Variants in MCHR2 observed in about 807,000 individuals in gnomAD.
MCHR2 encodes the protein melanin-concentrating hormone receptor 2.
A neutral mutation model predicts 24.8 loss-of-function variants in MCHR2; 15 were observed. That is an observed-to-expected ratio of 0.60 (90% CI 0.40 to 0.93). MCHR2 has a LOEUF of 0.93. MCHR2 is among the 40% of genes least tolerant of loss of function. The probability of loss-of-function intolerance (pLI) is 0.00; values close to 1 mark genes in which losing one functional copy is unlikely to be tolerated. For missense variants in MCHR2, 386 were observed against 408.7 expected, an observed-to-expected ratio of 0.94 and a Z score of 0.48; for synonymous variants, 151 against 147.6, an observed-to-expected ratio of 1.02 and a Z score of -0.17.
At position 99,920,946 on chromosome 6, in the gene MCHR2, G is replaced by C. The variant is rs555808318; in HGVS notation, c.1017C>G (p.His339Gln). The C allele has an allele frequency of 3.7e-6, 6 of 1,613,752 alleles. No homozygotes were observed. The South Asian group carries it at 4.4e-5, about 12-fold the overall frequency. Residue 339 changes from histidine (H) to glutamine (Q), a missense_variant, in exon 6 of 6, where the codon CAC (histidine) becomes CAG (glutamine). Coordinates refer to ENST00000281806, the MANE Select transcript of MCHR2 (RefSeq NM_001040179.2). ...INNMGNTLKS[H>Q]F ...TGGTGATCCATGTACTTTCCTAAAA[G>C]TGTGATTTCAGAGTGTTTCCCATAT...
At chr6:99,970,311 T>C (rs1775380347) in intron 1 of MCHR2, among the ~76,000 whole-genome samples, 1 of 152,232 alleles carries the variant, frequency 6.6e-6, no homozygotes. Context: ...TGATGGCCAG[T>C]GATGGTGAGC....
At position 99,955,470 on chromosome 6, in the gene MCHR2, T is replaced by C. The variant is rs370729465; in HGVS notation, c.182+496A>G. 1.4e-4 allele frequency among the ~76,000 whole-genome samples: 21 copies of C among 152,316 alleles called. No individual in the cohort carries two copies. The East Asian group carries it at 2.5e-3, about 18-fold the overall frequency. ...TATGACTTCCTGCATCTTCTGGTGA[T>C]AACATAAAGTCTCTCTTTTGCCCAA... On this transcript the variant is annotated intron_variant, in intron 2 of 5. Transcript: ENST00000281806.
intron 5 of MCHR2, among the ~76,000 whole-genome samples, chr6:99,923,390 T>C (rs1196980997): frequency 6.6e-6 from 1 of 152,082 alleles, no homozygotes; most frequent in African/African-American, 2.4e-5. Context: ...ATTTCTTTCT[T>C]TTGTCTGATT....
intron 5 of MCHR2, among the ~76,000 whole-genome samples, chr6:99,922,775 G>A (rs963542103): frequency 3.3e-5 from 5 of 152,122 alleles, no homozygotes; most frequent in Non-Finnish European, 7.4e-5. Flanking sequence ...CCAGTACCAG[G>A]CTGTTTTGGT....
At chr6:99,976,901 C>T (rs1775562611) in intron 1 of MCHR2, among the ~76,000 whole-genome samples, 2 of 152,174 alleles carry the variant, frequency 1.3e-5, no homozygotes, top group Admixed American at 6.5e-5. Context: ...GCTTGCTGGC[C>T]CCTTGCCACA....
At position 99,956,089 on chromosome 6, in the gene MCHR2, C is replaced by T; in HGVS notation, c.59G>A (p.Trp20Ter). The T allele has an allele frequency of 6.2e-7, 1 of 1,613,308 alleles. No individual in the cohort carries two copies. The highest frequency in any genetic ancestry group is 8.5e-7 in the Non-Finnish European group (1 of 1,179,580). Reference protein sequence around the residue: ...NTSAELLNKSWNKEFAYQTAS... With the variant: ...NTSAELLNKS The stretch of plus-strand genomic sequence containing the variant: ...AGTTTGATAAGCAAACTCTTTATTC[C>T]AGGATTTGTTTAAAAGTTCGGCAGA... The change falls in exon 2 of 6, where the codon TGG (tryptophan) becomes TAG (stop). Residue 20 changes from tryptophan (W) to a stop codon, truncating the protein, a stop_gained. Coordinates refer to ENST00000281806, the MANE Select transcript of MCHR2 (RefSeq NM_001040179.2). LOFTEE classifies it high-confidence loss of function.
chr6:99,978,709 T>C (rs972260159), intron 1 of MCHR2, among the ~76,000 whole-genome samples: 2 of 152,108 alleles, frequency 1.3e-5, no homozygotes, highest in Admixed American at 6.6e-5. Context: ...TGAGCCACCA[T>C]GCCTGGCCCA....
chr6:99,972,452 T>C (rs1444340450), intron 1 of MCHR2, among the ~76,000 whole-genome samples: 3 of 152,300 alleles, frequency 2.0e-5, no homozygotes, highest in East Asian at 3.9e-4. Flanking sequence ...TCTTCTCTCT[T>C]TTCTTCTTTA....
At chr6:99,937,589 G>A (rs1774688730) in intron 4 of MCHR2, among the ~76,000 whole-genome samples, 2 of 151,692 alleles carry the variant, frequency 1.3e-5, no homozygotes, top group Non-Finnish European at 2.9e-5. Flanking sequence ...TTTTTAATGT[G>A]TTGTTGAATT....
At chr6:99,937,337 G>A (rs1774682022) in intron 4 of MCHR2, among the ~76,000 whole-genome samples, 1 of 151,934 alleles carries the variant, frequency 6.6e-6, no homozygotes, top group Non-Finnish European at 1.5e-5. Context: ...AAAATTAGCT[G>A]TAAGTATGTC....
At chr6:99,925,654 C>T (rs1042690118) in intron 5 of MCHR2, among the ~76,000 whole-genome samples, 11 of 152,062 alleles carry the variant, frequency 7.2e-5, no homozygotes, top group African/African-American at 1.2e-4. Flanking sequence ...ACACTGTTTA[C>T]ATAAACAAAC....
chr6:99,972,462 A>T (rs1326351080), intron 1 of MCHR2, among the ~76,000 whole-genome samples: 1 of 151,504 alleles, frequency 6.6e-6, no homozygotes, highest in African/African-American at 2.4e-5. Flanking sequence ...TTTCTTCTTT[A>T]TTAGTCTTGC....
intron 1 of MCHR2, among the ~76,000 whole-genome samples, chr6:99,991,972 A>G (rs937787725): frequency 6.6e-6 from 1 of 152,178 alleles, no homozygotes; most frequent in Non-Finnish European, 1.5e-5. Flanking sequence ...CCACCTGTAT[A>G]TATTTCATTT....
intron 1 of MCHR2, among the ~76,000 whole-genome samples, chr6:99,964,283 CAT>C (rs1562129052): frequency 6.6e-6 from 1 of 152,108 alleles, no homozygotes; most frequent in East Asian, 1.9e-4. Flanking sequence ...TAAAGATACA[CAT>C]GTTTATATGT....
chr6:99,943,582 G>A (rs1035425182), intron 3 of MCHR2, among the ~76,000 whole-genome samples: 1 of 151,536 alleles, frequency 6.6e-6, no homozygotes, highest in Non-Finnish European at 1.5e-5. Context: ...GAGAACATGC[G>A]GTGTTTGGTT....
intron 1 of MCHR2, among the ~76,000 whole-genome samples, chr6:99,980,411 T>C (rs1472515428): frequency 6.6e-6 from 1 of 152,218 alleles, no homozygotes; most frequent in Admixed American, 6.5e-5. Flanking sequence ...GATCCAGTTC[T>C]GAGAGCCTGG....
rs1248498525 is a variant in MCHR2 at position 99,920,543 on chromosome 6, T to A, written c.*397A>T. 1 of 184,760 alleles carries A rather than the reference T, an allele frequency of 5.4e-6. No homozygotes were observed. Among genetic ancestry groups the A allele is most frequent in the Non-Finnish European group, 1.1e-5 (1 of 86,998 alleles). The allele number at this position is 184,760 out of a possible 1,614,324, so 11.4% of individuals were successfully genotyped here. ...CCAAATTTTAGACTTCACTCTAAGG[T>A]GATACCCTCCTAGGAACCTTGAGGA... On this transcript the variant is annotated 3_prime_UTR_variant, in exon 6 of 6. Transcript: ENST00000281806.
intron 1 of MCHR2, among the ~76,000 whole-genome samples, chr6:99,960,953 T>C (rs967735950): frequency 2.0e-5 from 3 of 152,056 alleles, no homozygotes; most frequent in African/African-American, 7.2e-5. Context: ...CCAAAAGCAA[T>C]GGCAACAAAA....
At chr6:99,964,309 C>T (rs1274069164) in intron 1 of MCHR2, among the ~76,000 whole-genome samples, 1 of 152,084 alleles carries the variant, frequency 6.6e-6, no homozygotes, top group African/African-American at 2.4e-5. Flanking sequence ...AGGATATGTG[C>T]TCCAGAATGT....
Sources: gnomAD v4.1 joint callset for allele counts (sites outside exome capture counted in the v4.1 genomes callset) on GRCh38, gnomAD v4.1.1 for gene constraint, MANE v1.5 for transcripts, NCBI Gene and HGNC (gene_info 2026-07-23, HGNC 2026-07-21) for gene names.